FSHR: variants seen among roughly 807,000 people sequenced by gnomAD.
FSHR encodes the protein follicle-stimulating hormone receptor.
Under a neutral mutation model 52.1 loss-of-function variants are expected in FSHR, and 46 were observed. That is an observed-to-expected ratio of 0.88 (90% CI 0.70 to 1.13). FSHR has a LOEUF of 1.13. Ranked by LOEUF, FSHR falls within the 50% of genes most tolerant of loss-of-function variation. The probability of loss-of-function intolerance (pLI) is 0.00; values close to 1 mark genes in which losing one functional copy is unlikely to be tolerated. For missense variants in FSHR, 964 were observed against 834.6 expected, an observed-to-expected ratio of 1.16 and a Z score of -1.91; for synonymous variants, 399 against 309.6, an observed-to-expected ratio of 1.29 and a Z score of -3.03.
chr2:49,108,089 C>T (rs1185651460), intron 1 of FSHR, among the ~76,000 whole-genome samples: 1 of 152,150 alleles, frequency 6.6e-6, no homozygotes, highest in Non-Finnish European at 1.5e-5. Flanking sequence ...ATCATCTAAT[C>T]TGTCGAGGTC....
chr2:49,151,268 G>C (rs966016881), intron 1 of FSHR, among the ~76,000 whole-genome samples: 1 of 151,794 alleles, frequency 6.6e-6, no homozygotes, highest in East Asian at 1.9e-4. Flanking sequence ...GAGCTGCAGG[G>C]ATAATTGCCA....
intron 4 of FSHR, among the ~76,000 whole-genome samples, chr2:48,995,442 A>G (rs146977457): frequency 5.3e-5 from 8 of 152,262 alleles, no homozygotes; most frequent in Middle Eastern, 3.4e-3. Flanking sequence ...CTAAACTAAG[A>G]GTAGCAAGTG....
chr2:48,986,575 A>G (rs1387430255), intron 6 of FSHR, among the ~76,000 whole-genome samples: 1 of 152,208 alleles, frequency 6.6e-6, no homozygotes, highest in African/African-American at 2.4e-5. Flanking sequence ...TTGTTTCCAC[A>G]AAAGTGAGTT....
At chr2:48,968,597 T>G in intron 9 of FSHR, 101 bp downstream of exon 9, 1 of 1,386,280 alleles carries the variant, frequency 7.2e-7, no homozygotes, top group East Asian at 2.3e-5. Flanking sequence ...GACAGGGAAC[T>G]CTCTGCAAGT....
At chr2:49,069,802 T>C (rs1669663720) in intron 1 of FSHR, among the ~76,000 whole-genome samples, 1 of 152,186 alleles carries the variant, frequency 6.6e-6, no homozygotes. Flanking sequence ...AACTGATTAA[T>C]AGGGATTTGG....
intron 2 of FSHR, among the ~76,000 whole-genome samples, chr2:49,027,029 A>G (rs1667932457): frequency 6.6e-6 from 1 of 152,074 alleles, no homozygotes. Flanking sequence ...TTTCCTCTCC[A>G]AACTCTCTTC....
intron 6 of FSHR, among the ~76,000 whole-genome samples, chr2:48,988,104 C>A (rs1573052214): frequency 6.6e-6 from 1 of 152,116 alleles, no homozygotes; most frequent in Non-Finnish European, 1.5e-5. Context: ...TATAATCTGT[C>A]TACTATTTCT....
At chr2:49,056,658 C>T (rs1414690509) in intron 2 of FSHR, among the ~76,000 whole-genome samples, 6 of 151,730 alleles carry the variant, frequency 4.0e-5, no homozygotes, top group Non-Finnish European at 8.8e-5. Context: ...CACCACAGAC[C>T]AAACAGACAC....
At chr2:49,075,236 AATCACTCTGTTCTG>A (rs752657997) in intron 1 of FSHR, among the ~76,000 whole-genome samples, 10 of 152,292 alleles carry the variant, frequency 6.6e-5, no homozygotes, top group South Asian at 2.1e-4. Context: ...TGGGTATGCT[AATCACTCTGTTCTG>A]ATCACTCTGT....
intron 6 of FSHR, among the ~76,000 whole-genome samples, chr2:48,985,605 C>A (rs866892304): frequency 3.3e-5 from 5 of 150,040 alleles, no homozygotes; most frequent in Non-Finnish European, 7.4e-5. Context: ...GTCTGATAAT[C>A]TTTCATTGCT....
At chr2:49,044,650 A>C (rs999673121) in intron 2 of FSHR, among the ~76,000 whole-genome samples, 33 of 151,386 alleles carry the variant, frequency 2.2e-4, no homozygotes, top group Admixed American at 1.4e-3. Flanking sequence ...TGTTTCCCCC[A>C]TCCCCCTCCC....
In FSHR at chr2:48,987,382, T is replaced by A. The variant is rs1675559387; in HGVS notation, c.524+1595A>T. On this transcript the variant is annotated intron_variant, in intron 6 of 9. Coordinates refer to ENST00000406846, the MANE Select transcript of FSHR (RefSeq NM_000145.4). ...CCATGCCCAGCTAATTTTTTTTTTT[T>A]ATATATTTTTAGTAGAGACGGGTTT... is the stretch of plus-strand genomic sequence containing the variant. Among the ~76,000 whole-genome samples the A allele has an allele frequency of 2.0e-5, 3 of 150,912 alleles. 1 individual carries two copies. The highest frequency in any genetic ancestry group is 4.2e-4 in the South Asian group (2 of 4,776).
At chr2:48,972,105 G>T (rs1034061419) in intron 8 of FSHR, among the ~76,000 whole-genome samples, 2 of 151,840 alleles carry the variant, frequency 1.3e-5, no homozygotes, top group African/African-American at 4.8e-5. Flanking sequence ...TAATATGCAG[G>T]TCAGACTTTG....
Position 48,977,138 on chromosome 2 carries a change from C to T in FSHR, c.668+5774G>A, listed in dbSNP as rs546294333. ...AATCCCCTCTCCTCTCTCTCTCTCTCTCTCGTTTCTGTCTTTGAATAACCT... is the reference window on the plus strand; with the variant it reads ...AATCCCCTCTCCTCTCTCTCTCTCTTTCTCGTTTCTGTCTTTGAATAACCT... On this transcript the variant is annotated intron_variant, in intron 8 of 9. Coordinates refer to ENST00000406846, the MANE Select transcript of FSHR (RefSeq NM_000145.4). Among the ~76,000 whole-genome samples, 607 of 152,230 alleles carry T rather than the reference C, an allele frequency of 4.0e-3. 5 individuals carry two copies. The highest frequency in any genetic ancestry group is 6.8e-3 in the Non-Finnish European group (463 of 68,022).
rs1296053219 is a variant in FSHR, at chr2:49,008,878, G to GT, written c.374+8610dup. 4.6e-5 allele frequency among the ~76,000 whole-genome samples: 7 copies of GT among 150,970 alleles called. No homozygotes were observed. The South Asian group carries it at 1.3e-3, about 28-fold the overall frequency. On this transcript the variant is annotated intron_variant, in intron 4 of 9. Transcript: ENST00000406846. ...CGCCCACTTTTTGATGGGGTTGTTT[G>GT]TTTTTTTCTTGTAAATTTGTTTGAG...
At chr2:49,058,247 A>G (rs1483478938) in intron 2 of FSHR, among the ~76,000 whole-genome samples, 5 of 152,186 alleles carry the variant, frequency 3.3e-5, no homozygotes, top group African/African-American at 4.8e-5. Context: ...TTTAAATGAC[A>G]TATTATACAT....
rs1240652208 is a variant in FSHR at position 49,112,847 on chromosome 2, T to G, written c.152+41419A>C. ...TTTTATGAGCTGGCCATGCTGCGTA[T>G]TTGAAAGTTACATTAGTGCAAAATG... On this transcript the variant is annotated intron_variant, in intron 1 of 9. Coordinates refer to ENST00000406846, the MANE Select transcript of FSHR (RefSeq NM_000145.4). 2.6e-5 allele frequency among the ~76,000 whole-genome samples: 4 copies of G among 152,178 alleles called. No individual in the cohort carries two copies. In the East Asian group the frequency reaches 5.8e-4, roughly 22 times the overall value.
At chr2:49,127,637 T>C (rs1409301441) in intron 1 of FSHR, among the ~76,000 whole-genome samples, 3 of 152,062 alleles carry the variant, frequency 2.0e-5, no homozygotes, top group African/African-American at 7.2e-5. Flanking sequence ...TTTCCTTCTC[T>C]GATACACACT....
rs76207661 is a variant in FSHR at position 49,007,208 on chromosome 2, T to C, written c.374+10281A>G. ...ACCATCATAGAGAAGTAAACATAGCTAAGCACGAAAAGTATAAGAATGATT... is the reference window on the plus strand; with the variant it reads ...ACCATCATAGAGAAGTAAACATAGCCAAGCACGAAAAGTATAAGAATGATT... On this transcript the variant is annotated intron_variant, in intron 4 of 9. Transcript: ENST00000406846. Among the ~76,000 whole-genome samples, 1,121 of 151,062 alleles carry C rather than the reference T, an allele frequency of 7.4e-3. 6 individuals are homozygous for C. Among genetic ancestry groups the C allele is most frequent in the African/African-American group, 0.026 (1,065 of 40,490 alleles).
Sources: gnomAD v4.1 joint callset for allele counts (sites outside exome capture counted in the v4.1 genomes callset) on GRCh38, gnomAD v4.1.1 for gene constraint, MANE v1.5 for transcripts, NCBI Gene and HGNC (gene_info 2026-07-23, HGNC 2026-07-21) for gene names.